NCOA2: variants seen among roughly 807,000 people sequenced by gnomAD.
NCOA2 encodes the protein nuclear receptor coactivator 2.
NCOA2 carries 21 observed loss-of-function variants against 145.1 expected under a neutral mutation model. That is an observed-to-expected ratio of 0.14 (90% CI 0.10 to 0.21). The LOEUF (loss-of-function observed/expected upper bound fraction) is 0.21, where lower values mean the gene tolerates loss of function less well. Ranked by LOEUF, NCOA2 falls within the 10% of genes least tolerant of loss-of-function variation. The pLI, the probability that NCOA2 is intolerant of heterozygous loss-of-function variation, is 1.00. For missense variants in NCOA2, 1,472 were observed against 1,837.6 expected (o/e 0.80, Z 3.64); for synonymous variants, 619 against 637.5 (o/e 0.97, Z 0.44).
At chr8:70,248,121 T>C (rs1563677298) in intron 2 of NCOA2, among the ~76,000 whole-genome samples, 1 of 152,236 alleles carries the variant, frequency 6.6e-6, no homozygotes, top group Admixed American at 6.5e-5. Flanking sequence ...CATTTTATGA[T>C]GGTGGTTGTA....
At chr8:70,209,630 C>T (rs1818809931) in intron 4 of NCOA2, among the ~76,000 whole-genome samples, 1 of 152,176 alleles carries the variant, frequency 6.6e-6, no homozygotes. Context: ...TGAGGCAAGA[C>T]CCTCCCACCA....
intron 1 of NCOA2, among the ~76,000 whole-genome samples, chr8:70,298,069 C>CT (rs1395632645): frequency 1.3e-5 from 2 of 152,048 alleles, no homozygotes; most frequent in Non-Finnish European, 2.9e-5. Context: ...GTTTTTATAA[C>CT]TAAGCTACTA....
chr8:70,345,629 T>C (rs978450896), intron 1 of NCOA2, among the ~76,000 whole-genome samples: 2 of 152,234 alleles, frequency 1.3e-5, no homozygotes, highest in Non-Finnish European at 2.9e-5. Context: ...CATCAACTTA[T>C]TGTGCTTAGT....
In NCOA2 at chr8:70,112,775, G is replaced by C. The variant is rs563045601; in HGVS notation, c.*857C>G. Reference sequence around the variant, plus strand: ...AAAAGGAATGAAAATAGGGAGTATGGGGAATGAGAGAGGGGAAGGGAAGAG... The same window carrying C: ...AAAAGGAATGAAAATAGGGAGTATGCGGAATGAGAGAGGGGAAGGGAAGAG... On this transcript the variant is annotated 3_prime_UTR_variant, in exon 23 of 23. Coordinates refer to ENST00000452400, the MANE Select transcript of NCOA2 (RefSeq NM_006540.4). 4.8e-5 allele frequency: 10 copies of C among 209,728 alleles called. No homozygotes were observed. The highest frequency in any genetic ancestry group is 8.7e-5 in the Non-Finnish European group (9 of 103,304). 13.0% of individuals were successfully genotyped at this position (209,728 alleles called of 1,614,324 possible).
At chr8:70,254,073 T>C (rs533128212) in intron 2 of NCOA2, among the ~76,000 whole-genome samples, 3 of 152,256 alleles carry the variant, frequency 2.0e-5, no homozygotes, top group South Asian at 4.1e-4. Context: ...ATTTAAAAAC[T>C]GGCAAAGGAC....
chr8:70,440,671 GAGAA>G, the NCOA2 span, among the ~76,000 whole-genome samples: 707 of 146,106 alleles, frequency 4.8e-3, 4 homozygotes, highest in Non-Finnish European at 6.8e-3. Flanking sequence ...GAGGGAGAGA[GAGAA>G]AGAAAGAAAG....
chr8:70,134,246 G>A (rs569067343), intron 15 of NCOA2, among the ~76,000 whole-genome samples: 16 of 152,236 alleles, frequency 1.1e-4, no homozygotes, highest in Non-Finnish European at 2.4e-4. Context: ...GCAGTCAGGA[G>A]AGGGAGAAAC....
At chr8:70,369,800 A>G (rs560639880) in intron 1 of NCOA2, among the ~76,000 whole-genome samples, 165 of 152,274 alleles carry the variant, frequency 1.1e-3, no homozygotes, top group Middle Eastern at 6.8e-3. Flanking sequence ...TCCCAGGCAC[A>G]TTATACCTTC....
intron 2 of NCOA2, among the ~76,000 whole-genome samples, chr8:70,281,867 C>A (rs1735251551): frequency 2.0e-5 from 3 of 152,164 alleles, no homozygotes; most frequent in Admixed American, 1.3e-4. Context: ...TTACGTTACC[C>A]CACTATCACC....
Position 70,213,921 on chromosome 8 carries a change from G to T in NCOA2, c.241C>A (p.Arg81Ser), listed in dbSNP as rs1230911578. 1.3e-6 allele frequency: 2 copies of T among 1,599,488 alleles called. No individual in the cohort carries two copies. ...AILKETVKQI[R>S]QIKEQEKAAA... ...CTCTTACCTTGTTCTTTGATCTGAC[G>T]AATTTGCTTCACAGTTTCTTTTAAG... Residue 81 changes from arginine to serine, a missense_variant, in exon 4 of 23, where the codon CGT becomes AGT. By Grantham distance (110) the Arg-to-Ser change is moderately radical. Coordinates refer to ENST00000452400, the MANE Select transcript of NCOA2 (RefSeq NM_006540.4).
At chr8:70,283,289 A>AT (rs1026647797) in intron 2 of NCOA2, among the ~76,000 whole-genome samples, 2 of 152,136 alleles carry the variant, frequency 1.3e-5, no homozygotes, top group African/African-American at 2.4e-5. Context: ...AAATTGTATC[A>AT]TTTTTTTCCT....
chr8:70,401,324 T>C (rs1306719390), intron 1 of NCOA2, among the ~76,000 whole-genome samples: 1 of 152,204 alleles, frequency 6.6e-6, no homozygotes, highest in Non-Finnish European at 1.5e-5. Flanking sequence ...CCACACACTG[T>C]ACAATTCAGC....
chr8:70,212,724 C>T (rs114492509), intron 4 of NCOA2, among the ~76,000 whole-genome samples: 1,814 of 152,100 alleles, frequency 0.012, 50 homozygotes, highest in African/African-American at 0.042. Context: ...ATGAAATATG[C>T]CTTTTTTGAA....
chr8:70,330,428 G>A (rs752521130), intron 1 of NCOA2, among the ~76,000 whole-genome samples: 5 of 151,722 alleles, frequency 3.3e-5, no homozygotes, highest in Admixed American at 6.6e-5. Context: ...AAGATAAGCC[G>A]GGCATGGTGG....
rs117061248 is a variant in NCOA2, at chr8:70,380,849, C to A, written c.-77+22851G>T. 3.9e-3 allele frequency among the ~76,000 whole-genome samples: 595 copies of A among 152,190 alleles called. 3 individuals carry two copies. Among genetic ancestry groups the A allele is most frequent in the Non-Finnish European group, 6.0e-3 (406 of 68,000 alleles). ...CAGCACTTTCGGAGGCCAAGTTAGG[C>A]AGATGACTTGAGTTCAGGAGTTCAA... On this transcript the variant is annotated intron_variant, in intron 1 of 22. Coordinates refer to ENST00000452400, the MANE Select transcript of NCOA2 (RefSeq NM_006540.4).
intron 4 of NCOA2, among the ~76,000 whole-genome samples, chr8:70,185,240 T>C (rs1815928148): frequency 6.6e-6 from 1 of 152,198 alleles, no homozygotes; most frequent in Non-Finnish European, 1.5e-5. Context: ...TAGCATTTGC[T>C]TGAGCAATCA....
chr8:70,152,080 T>C (rs1038259952), intron 11 of NCOA2, among the ~76,000 whole-genome samples: 45 of 152,374 alleles, frequency 3.0e-4, no homozygotes, highest in Non-Finnish European at 6.3e-4. Flanking sequence ...TCCTTTAAAA[T>C]GCTTTGCCAA....
At chr8:70,257,773 C>T (rs1178616678) in intron 2 of NCOA2, among the ~76,000 whole-genome samples, 1 of 151,920 alleles carries the variant, frequency 6.6e-6, no homozygotes, top group African/African-American at 2.4e-5. Flanking sequence ...CCCTGTTGTC[C>T]CTTGGCTTCA....
Position 70,124,987 on chromosome 8 carries a change from T to C in NCOA2, c.3917-122A>G, listed in dbSNP as rs189566273. The C allele has an allele frequency of 4.9e-5, 34 of 696,180 alleles. No homozygotes were observed. The East Asian group carries it at 9.7e-4, about 20-fold the overall frequency. The allele number at this position is 696,180 out of a possible 1,614,324, so 43.1% of individuals were successfully genotyped here. A position where few individuals can be genotyped will look rare whatever the true frequency, so the allele number is the denominator to read the frequency against. On this transcript the variant is annotated intron_variant, in intron 19 of 22. Transcript: ENST00000452400. Reference sequence around the variant, plus strand: ...TAAAAAATTACTTTCAAATATATGATTGTGTACTGATTAATTACATACATT... The same window carrying C: ...TAAAAAATTACTTTCAAATATATGACTGTGTACTGATTAATTACATACATT...
Sources: allele counts gnomAD v4.1 joint callset (sites outside exome capture counted in the v4.1 genomes callset), GRCh38; gene constraint gnomAD v4.1.1; transcripts MANE v1.5; gene names NCBI Gene and HGNC (gene_info 2026-07-23, HGNC 2026-07-21).